The following NRG3 variants were observed in gnomAD, a reference collection of about 807,000 sequenced individuals.
NRG3 encodes the protein pro-neuregulin-3, membrane-bound isoform.
Under a neutral mutation model 66.9 loss-of-function variants are expected in NRG3, and 31 were observed. That is an observed-to-expected ratio of 0.46 (90% CI 0.35 to 0.63). The LOEUF (loss-of-function observed/expected upper bound fraction) is 0.63. Among genes scored for constraint, NRG3 ranks in the 20% least tolerant of loss-of-function variants. NRG3 has a pLI of 0.00. For missense variants in NRG3, 910 were observed against 878.9 expected (o/e 1.04, Z -0.45); for synonymous variants, 393 against 359.4 (o/e 1.09, Z -1.06).
At chr10:82,617,155 C>T (rs1303774697) in intron 2 of NRG3, among the ~76,000 whole-genome samples, 3 of 151,818 alleles carry the variant, frequency 2.0e-5, no homozygotes, top group Non-Finnish European at 4.4e-5. Context: ...ACACCACTCA[C>T]ACACACACCA....
chr10:82,963,182 G>A (rs1474051961), intron 6 of NRG3, among the ~76,000 whole-genome samples: 1 of 152,184 alleles, frequency 6.6e-6, no homozygotes, highest in African/African-American at 2.4e-5. Flanking sequence ...CATGTGAATT[G>A]AGTTGTTGGC....
intron 1 of NRG3, among the ~76,000 whole-genome samples, chr10:82,005,629 T>C (rs959241936): frequency 6.6e-6 from 1 of 152,194 alleles, no homozygotes; most frequent in South Asian, 2.1e-4. Flanking sequence ...GTTACCATCC[T>C]TTTTTCTGCA....
chr10:82,015,243 C>T (rs994793249), intron 1 of NRG3, among the ~76,000 whole-genome samples: 2 of 152,280 alleles, frequency 1.3e-5, no homozygotes, highest in African/African-American at 4.8e-5. Flanking sequence ...AATGTATGAG[C>T]AGATGAACCT....
At chr10:82,221,093 A>C (rs1451214710) in intron 1 of NRG3, among the ~76,000 whole-genome samples, 1 of 152,252 alleles carries the variant, frequency 6.6e-6, no homozygotes. Context: ...AGTCCTAAGT[A>C]GGTATTCTGG....
In NRG3 at chr10:82,456,810, C is replaced by T. The variant is rs1252279030; in HGVS notation, c.953+97942C>T. On this transcript the variant is annotated intron_variant, in intron 2 of 8. Transcript: ENST00000372141. ...GCAAGCCTCATTGTCTCCTGAGTAC[C>T]GGGCCTGACACTCGGCCTGCCCCAG... Among the ~76,000 whole-genome samples, 7 of 152,112 alleles carry T rather than the reference C, an allele frequency of 4.6e-5. 1 individual carries two copies. The highest frequency in any genetic ancestry group is 4.2e-4 in the South Asian group (2 of 4,816).
intron 1 of NRG3, among the ~76,000 whole-genome samples, chr10:82,294,959 A>G (rs1037933272): frequency 2.6e-5 from 4 of 152,210 alleles, no homozygotes; most frequent in Non-Finnish European, 5.9e-5. Context: ...AATAAAATAT[A>G]AATATATCAA....
chr10:82,188,958 A>AACATGGAGAAGGGC (rs2073973461), intron 1 of NRG3, among the ~76,000 whole-genome samples: 1 of 152,198 alleles, frequency 6.6e-6, no homozygotes, highest in Admixed American at 6.5e-5. Flanking sequence ...GCTCAAGAAT[A>AACATGGAGAAGGGC]AAATTAAAGA....
intron 1 of NRG3, among the ~76,000 whole-genome samples, chr10:82,098,012 C>T (rs1394424961): frequency 6.6e-6 from 1 of 150,932 alleles, no homozygotes; most frequent in Non-Finnish European, 1.5e-5. Context: ...GGATCTGAGA[C>T]CTTATCCTAT....
intron 5 of NRG3, chr10:82,955,257 G>T (rs1849931767): frequency 6.6e-6 from 1 of 151,892 alleles, no homozygotes; most frequent in Non-Finnish European, 1.5e-5. Context: ...TAAGGAATAA[G>T]TAAGAAACAC....
At chr10:82,534,262 A>ATTT (rs1264974238) in intron 2 of NRG3, among the ~76,000 whole-genome samples, 8 of 150,364 alleles carry the variant, frequency 5.3e-5, no homozygotes, top group Admixed American at 6.6e-5. Context: ...AGAAAAATCC[A>ATTT]TTTTGTTTTT....
At chr10:82,153,186 G>C (rs964136928) in intron 1 of NRG3, among the ~76,000 whole-genome samples, 2 of 151,828 alleles carry the variant, frequency 1.3e-5, no homozygotes, top group South Asian at 2.1e-4. Context: ...TTTACCTTTT[G>C]GTCAACATTG....
chr10:82,858,426 C>T (rs1301221552), intron 3 of NRG3, among the ~76,000 whole-genome samples: 10 of 152,136 alleles, frequency 6.6e-5, no homozygotes, highest in Admixed American at 1.3e-4. Flanking sequence ...ACTCTTATCT[C>T]GGAGCAAGAA....
At chr10:82,438,550 A>G (rs2090265717) in intron 2 of NRG3, among the ~76,000 whole-genome samples, 2 of 152,222 alleles carry the variant, frequency 1.3e-5, no homozygotes, top group Non-Finnish European at 1.5e-5. Context: ...AGGCAGCTGC[A>G]GTTGGTGCTG....
intron 2 of NRG3, among the ~76,000 whole-genome samples, chr10:82,735,143 C>G (rs778857658): frequency 1.8e-4 from 27 of 152,022 alleles, no homozygotes; most frequent in Non-Finnish European, 3.4e-4. Context: ...GAGTTGGAGA[C>G]TTTTTTAAAA....
chr10:82,151,587 CACTT>C (rs1284840963), intron 1 of NRG3, among the ~76,000 whole-genome samples: 2 of 152,138 alleles, frequency 1.3e-5, no homozygotes, highest in Non-Finnish European at 2.9e-5. Context: ...TGTCCCATCT[CACTT>C]AGTCGTCTGT....
intron 1 of NRG3, among the ~76,000 whole-genome samples, chr10:82,174,653 A>G (rs1179860236): frequency 2.0e-5 from 3 of 152,044 alleles, no homozygotes; most frequent in Non-Finnish European, 2.9e-5. Flanking sequence ...CCTTTTCAAT[A>G]TATCAGTTCT....
chr10:82,272,814 A>T (rs377612473), intron 1 of NRG3, among the ~76,000 whole-genome samples: 13 of 152,066 alleles, frequency 8.5e-5, no homozygotes, highest in African/African-American at 2.9e-4. Context: ...ACCTGAGAAG[A>T]TATTAACGTA....
intron 2 of NRG3, among the ~76,000 whole-genome samples, chr10:82,528,831 T>A (rs908417429): frequency 6.6e-6 from 1 of 152,154 alleles, no homozygotes; most frequent in South Asian, 2.1e-4. Flanking sequence ...CTCTCTCTCA[T>A]CATCATCATG....
intron 1 of NRG3, among the ~76,000 whole-genome samples, chr10:82,016,577 T>A (rs1319987130): frequency 6.6e-6 from 1 of 152,116 alleles, no homozygotes; most frequent in East Asian, 1.9e-4. Context: ...GATCGTTAAG[T>A]GCAAAAGTCA....
Sources: gnomAD v4.1 joint callset for allele counts (sites outside exome capture counted in the v4.1 genomes callset) on GRCh38, gnomAD v4.1.1 for gene constraint, MANE v1.5 for transcripts, NCBI Gene and HGNC (gene_info 2026-07-23, HGNC 2026-07-21) for gene names.